Variants in FMN1 observed in about 807,000 individuals in gnomAD.
FMN1 encodes formin-1.
Under a neutral mutation model 132.4 loss-of-function variants are expected in FMN1, and 110 were observed. The observed-to-expected ratio is 0.83, with a 90% CI of 0.71 to 0.97. The LOEUF is 0.97. FMN1 is among the 50% of genes least tolerant of loss of function. The pLI, the probability that FMN1 is intolerant of heterozygous loss-of-function variation, is 0.00. For missense variants in FMN1, 1,792 were observed against 1,705.3 expected, an observed-to-expected ratio of 1.05 and a Z score of -0.90; for synonymous variants, 722 against 651.7, an observed-to-expected ratio of 1.11 and a Z score of -1.64.
intron 6 of FMN1, among the ~76,000 whole-genome samples, chr15:33,047,251 T>C (rs1023866440): frequency 1.3e-5 from 2 of 152,216 alleles, no homozygotes; most frequent in African/African-American, 4.8e-5. Flanking sequence ...CCTTTGAAGA[T>C]TCTAGATTTT....
At chr15:33,031,852 CA>C (rs2141069246) in intron 6 of FMN1, among the ~76,000 whole-genome samples, 1 of 152,296 alleles carries the variant, frequency 6.6e-6, no homozygotes, top group East Asian at 1.9e-4. Context: ...AATATATGAA[CA>C]AATGTTCAAC....
intron 6 of FMN1, among the ~76,000 whole-genome samples, chr15:33,053,102 G>A (rs1467184952): frequency 6.6e-6 from 1 of 152,060 alleles, no homozygotes; most frequent in Non-Finnish European, 1.5e-5. Flanking sequence ...CATTCTTCTT[G>A]AACGCTGGAC....
intron 5 of FMN1, among the ~76,000 whole-genome samples, chr15:33,080,908 G>C (rs1048957846): frequency 1.3e-5 from 2 of 151,396 alleles, no homozygotes; most frequent in Non-Finnish European, 2.9e-5. Context: ...AAAAATTCCA[G>C]AGACTAAATC....
intron 10 of FMN1, among the ~76,000 whole-genome samples, chr15:32,917,241 C>T (rs2060707049): frequency 6.6e-6 from 1 of 152,194 alleles, no homozygotes; most frequent in African/African-American, 2.4e-5. Context: ...CTGAAGAGCT[C>T]TGTAACAAGC....
chr15:32,832,520 C>T (rs1236345604), intron 17 of FMN1, among the ~76,000 whole-genome samples: 3 of 152,104 alleles, frequency 2.0e-5, no homozygotes, highest in Non-Finnish European at 4.4e-5. Context: ...TGGCTCACAC[C>T]TGTAATCCCA....
Position 32,910,532 on chromosome 15 carries a change from A to G in FMN1, c.3230T>C (p.Ile1077Thr), listed in dbSNP as rs1450538257. The G allele has an allele frequency of 1.3e-6, 2 of 1,568,204 alleles. No homozygotes were observed. The highest frequency in any genetic ancestry group is 1.7e-6 in the Non-Finnish European group (2 of 1,155,968). The change falls in exon 11 of 21, where the codon ATT becomes ACT. Residue 1077 changes from isoleucine to threonine, a missense_variant. This residue lies in a region of FMN1 where 1,150 missense variants were observed against 1,043.1 expected (regional missense o/e 1.10). Coordinates refer to ENST00000616417, the MANE Select transcript of FMN1 (RefSeq NM_001277313.2). ...AACCACGGAGTCATCCACATTGAAA[A>G]TGGCTGCCAAGCACCCAAAAAGAAA... ...HLEMKDIQQA[I>T]FNVDDSVVDL...
intron 9 of FMN1, among the ~76,000 whole-genome samples, chr15:32,928,634 A>G (rs1161959215): frequency 6.6e-6 from 1 of 152,160 alleles, no homozygotes; most frequent in East Asian, 1.9e-4. Context: ...TCAAAAAGAG[A>G]AACGTTTTGG....
rs61567978 is a variant in FMN1, at chr15:32,912,002, T to A, written c.3227-1467A>T. Among the ~76,000 whole-genome samples the A allele has an allele frequency of 8.4e-3, 1,282 of 152,320 alleles. 14 individuals are homozygous for A. The highest frequency in any genetic ancestry group is 0.029 in the African/African-American group (1,223 of 41,562). On this transcript the variant is annotated intron_variant, in intron 10 of 20. Coordinates refer to ENST00000616417, the MANE Select transcript of FMN1 (RefSeq NM_001277313.2). ...AACCAAAATAGCCAGAAACAATGTCTATTTTATGTAAATCTCAGTATTCTC... is the reference window on the plus strand; with the variant it reads ...AACCAAAATAGCCAGAAACAATGTCAATTTTATGTAAATCTCAGTATTCTC...
chr15:32,999,767 C>G (rs2033987000), intron 7 of FMN1, among the ~76,000 whole-genome samples: 1 of 152,214 alleles, frequency 6.6e-6, no homozygotes, highest in African/African-American at 2.4e-5. Context: ...TCTGTCGTTT[C>G]CAAGTCCTCT....
At chr15:32,935,254 T>G (rs1346764687) in intron 9 of FMN1, among the ~76,000 whole-genome samples, 1 of 152,130 alleles carries the variant, frequency 6.6e-6, no homozygotes, top group African/African-American at 2.4e-5. Flanking sequence ...GTTTTCTTAC[T>G]TGGTAATTTT....
At chr15:32,909,498 T>C (rs529209031) in intron 11 of FMN1, among the ~76,000 whole-genome samples, 1 of 152,218 alleles carries the variant, frequency 6.6e-6, no homozygotes, top group South Asian at 2.1e-4. Context: ...GAGCAAGGAA[T>C]TGGTGATGCC....
chr15:32,885,496 C>A (rs2059875354), intron 16 of FMN1, among the ~76,000 whole-genome samples: 1 of 152,158 alleles, frequency 6.6e-6, no homozygotes, highest in African/African-American at 2.4e-5. Flanking sequence ...GAAACACTGG[C>A]AAATTACTTG....
chr15:32,982,638 C>T lies in FMN1; in HGVS notation c.2224-13161G>A, dbSNP rs1272502037. Among the ~76,000 whole-genome samples the T allele has an allele frequency of 2.0e-5, 3 of 152,084 alleles. No homozygotes were observed. In the East Asian group the frequency reaches 5.8e-4, roughly 29 times the overall value. On this transcript the variant is annotated intron_variant, in intron 7 of 20. Transcript: ENST00000616417. Reference sequence around the variant, plus strand: ...CTGGAGGCTGGGTAAAGCAGATTGCCCTCCCTAATGTAGGTGGGCCTCATG... The same window carrying T: ...CTGGAGGCTGGGTAAAGCAGATTGCTCTCCCTAATGTAGGTGGGCCTCATG...
At chr15:32,780,464 G>A (rs1204928768) in intron 19 of FMN1, among the ~76,000 whole-genome samples, 2 of 152,194 alleles carry the variant, frequency 1.3e-5, no homozygotes, top group Non-Finnish European at 2.9e-5. Context: ...TTAAAAAAGG[G>A]AGGCATGAAT....
intron 6 of FMN1, among the ~76,000 whole-genome samples, chr15:33,022,141 T>C (rs1414769276): frequency 6.6e-6 from 1 of 152,246 alleles, no homozygotes; most frequent in Non-Finnish European, 1.5e-5. Context: ...TTACTTATAA[T>C]AAATACCTAA....
chr15:33,101,546 T>G (rs2039295061), intron 4 of FMN1, among the ~76,000 whole-genome samples: 1 of 152,016 alleles, frequency 6.6e-6, no homozygotes, highest in Non-Finnish European at 1.5e-5. Context: ...GGGATAGGAG[T>G]TGGACAAGCT....
At chr15:33,122,518 G>A (rs955127026) in intron 4 of FMN1, among the ~76,000 whole-genome samples, 7 of 152,166 alleles carry the variant, frequency 4.6e-5, no homozygotes, top group African/African-American at 1.4e-4. Flanking sequence ...CCTTCTAGAT[G>A]TCCCAAGTAT....
chr15:33,019,230 C>T (rs1230124839), intron 6 of FMN1, among the ~76,000 whole-genome samples: 2 of 152,156 alleles, frequency 1.3e-5, no homozygotes, highest in African/African-American at 4.8e-5. Context: ...AGTTCTCCAC[C>T]TCCCCACTAG....
intron 19 of FMN1, among the ~76,000 whole-genome samples, chr15:32,780,163 G>A (rs2056618617): frequency 6.6e-6 from 1 of 152,210 alleles, no homozygotes; most frequent in Non-Finnish European, 1.5e-5. Flanking sequence ...GTGAACCAGA[G>A]CAACTCCATC....
Sources: gnomAD v4.1 joint callset for allele counts (sites outside exome capture counted in the v4.1 genomes callset) on GRCh38, gnomAD v4.1.1 for gene constraint, gnomAD v4.1.1 regional missense constraint, MANE v1.5 for transcripts, NCBI Gene and HGNC (gene_info 2026-07-23, HGNC 2026-07-21) for gene names.